Variants in DLG2 observed in about 807,000 individuals in gnomAD.
DLG2 encodes disks large homolog 2.
A neutral mutation model predicts 132.5 loss-of-function variants in DLG2; 45 were observed. The ratio of observed to expected loss-of-function variants is 0.34; its 90% CI spans 0.27 to 0.44. The LOEUF (loss-of-function observed/expected upper bound fraction) is 0.44, where lower values mean the gene tolerates loss of function less well. Among genes scored for constraint, DLG2 ranks in the 20% least tolerant of loss-of-function variants. The pLI, the probability that DLG2 is intolerant of heterozygous loss-of-function variation, is 1.00. For missense variants in DLG2, 1,045 were observed against 1,196.9 expected, an observed-to-expected ratio of 0.87 and a Z score of 1.87; for synonymous variants, 424 against 419.6, an observed-to-expected ratio of 1.01 and a Z score of -0.13.
intron 6 of DLG2, among the ~76,000 whole-genome samples, chr11:84,792,685 C>T (rs984374268): frequency 6.6e-6 from 1 of 152,026 alleles, no homozygotes; most frequent in Non-Finnish European, 1.5e-5. Context: ...TACATTGCCT[C>T]TAGATTTACC....
chr11:83,700,841 C>G (rs899092273), intron 18 of DLG2, among the ~76,000 whole-genome samples: 1 of 151,940 alleles, frequency 6.6e-6, no homozygotes, highest in Non-Finnish European at 1.5e-5. Flanking sequence ...TAATCAGATA[C>G]AAAGGTAGGA....
chr11:83,718,756 T>C (rs1373841445), intron 18 of DLG2, among the ~76,000 whole-genome samples: 4 of 151,706 alleles, frequency 2.6e-5, no homozygotes, highest in African/African-American at 2.4e-5. Context: ...TCAAGATGAG[T>C]AGGATTACTC....
chr11:84,683,901 CTTATTT>C (rs2099735778), intron 6 of DLG2, among the ~76,000 whole-genome samples: 1 of 152,084 alleles, frequency 6.6e-6, no homozygotes, highest in Non-Finnish European at 1.5e-5. Context: ...TAAATGTTGA[CTTATTT>C]TTAGAGTCAG....
chr11:83,492,931 T>C (rs144396157), intron 21 of DLG2, among the ~76,000 whole-genome samples: 206 of 152,144 alleles, frequency 1.4e-3, no homozygotes, highest in Middle Eastern at 3.4e-3. Flanking sequence ...AAAATTGTAA[T>C]TCAGATCATG....
chr11:85,099,035 G>A (rs1166941873), intron 6 of DLG2, among the ~76,000 whole-genome samples: 1 of 152,200 alleles, frequency 6.6e-6, no homozygotes, highest in Non-Finnish European at 1.5e-5. Context: ...GCTGCCTGCT[G>A]CCAAACAGGA....
At chr11:84,887,978 G>C (rs1348398755) in intron 6 of DLG2, among the ~76,000 whole-genome samples, 1 of 152,056 alleles carries the variant, frequency 6.6e-6, no homozygotes, top group Non-Finnish European at 1.5e-5. Context: ...AACTATTTGA[G>C]AGTTGAAGAA....
At chr11:84,466,598 C>T (rs2099095066) in intron 7 of DLG2, among the ~76,000 whole-genome samples, 1 of 151,334 alleles carries the variant, frequency 6.6e-6, no homozygotes, top group Admixed American at 6.6e-5. Context: ...TTTCATGCTA[C>T]AGGTTGGTAA....
intron 9 of DLG2, among the ~76,000 whole-genome samples, chr11:84,133,138 T>G (rs1309411779): frequency 6.6e-6 from 1 of 152,034 alleles, no homozygotes. Flanking sequence ...ACAGGAACTT[T>G]GAAGGAATAC....
chr11:85,194,476 C>T (rs2080879812), intron 4 of DLG2, among the ~76,000 whole-genome samples: 1 of 152,082 alleles, frequency 6.6e-6, no homozygotes, highest in Non-Finnish European at 1.5e-5. Context: ...TTACTGATGT[C>T]CTAAAAGCTG....
chr11:85,340,375 A>G (rs2082401946), intron 3 of DLG2, among the ~76,000 whole-genome samples: 1 of 152,202 alleles, frequency 6.6e-6, no homozygotes, highest in Admixed American at 6.5e-5. Context: ...CATTCTCAGC[A>G]AACTATCACA....
intron 22 of DLG2, among the ~76,000 whole-genome samples, chr11:83,483,556 C>CAATT (rs1161801244): frequency 6.6e-6 from 1 of 152,030 alleles, no homozygotes; most frequent in Non-Finnish European, 1.5e-5. Flanking sequence ...CAGCAAATGC[C>CAATT]AATTTTTTGA....
intron 3 of DLG2, among the ~76,000 whole-genome samples, chr11:85,300,752 C>G (rs2079537426): frequency 6.6e-6 from 1 of 152,072 alleles, no homozygotes; most frequent in African/African-American, 2.4e-5. Flanking sequence ...AAAGCCTGTT[C>G]TAGGGAGTTT....
At chr11:85,134,653 A>G (rs2076027364) in intron 5 of DLG2, among the ~76,000 whole-genome samples, 1 of 151,892 alleles carries the variant, frequency 6.6e-6, no homozygotes, top group South Asian at 2.1e-4. Flanking sequence ...TCAATATCCC[A>G]ATAACCTCCT....
rs1418658513 is a variant in DLG2, at chr11:83,459,147, T to C, written c.*671A>G. The C allele has an allele frequency of 6.6e-6, 1 of 152,670 alleles. No homozygotes were observed. The highest frequency in any genetic ancestry group is 1.5e-5 in the Non-Finnish European group (1 of 68,040). The allele number at this position is 152,670 out of a possible 1,614,324, so 9.5% of individuals were successfully genotyped here. A position where few individuals can be genotyped will look rare whatever the true frequency, so the allele number is the denominator to read the frequency against. On this transcript the variant is annotated 3_prime_UTR_variant, in exon 28 of 28. Coordinates refer to ENST00000376104, the MANE Select transcript of DLG2 (RefSeq NM_001142699.3). ...TCATCTTTAGTGCCTTCTTTCAGTT[T>C]ATAAATGGCAAAATAGGCAATCAAC...
chr11:85,410,190 A>G (rs1402767512), intron 3 of DLG2, among the ~76,000 whole-genome samples: 1 of 151,884 alleles, frequency 6.6e-6, no homozygotes. Context: ...GTGAAGTAGA[A>G]GAGGCTTTTT....
intron 6 of DLG2, among the ~76,000 whole-genome samples, chr11:84,914,396 G>C (rs2092323763): frequency 6.6e-6 from 1 of 152,130 alleles, no homozygotes; most frequent in African/African-American, 2.4e-5. Context: ...CTTCATCGTG[G>C]GGAGTTTTAT....
chr11:85,515,454 A>G (rs1281311991), intron 3 of DLG2, among the ~76,000 whole-genome samples: 1 of 151,930 alleles, frequency 6.6e-6, no homozygotes, highest in Non-Finnish European at 1.5e-5. Context: ...CAATTCCTAA[A>G]TCATCACTTT....
chr11:83,698,011 A>T (rs1290138065), intron 18 of DLG2, among the ~76,000 whole-genome samples: 1 of 152,216 alleles, frequency 6.6e-6, no homozygotes. Flanking sequence ...GACTGGCTTG[A>T]TTGTCATCAA....
chr11:83,584,700 T>C (rs914096682), intron 19 of DLG2, among the ~76,000 whole-genome samples: 9 of 152,306 alleles, frequency 5.9e-5, no homozygotes, highest in East Asian at 1.9e-4. Flanking sequence ...CGCTGAGCCA[T>C]TGCCATTCCA....
Sources: gnomAD v4.1 joint callset for allele counts (sites outside exome capture counted in the v4.1 genomes callset) on GRCh38, gnomAD v4.1.1 for gene constraint, MANE v1.5 for transcripts, NCBI Gene and HGNC (gene_info 2026-07-23, HGNC 2026-07-21) for gene names.